Variants in CADM2 observed in about 807,000 individuals in gnomAD.
CADM2 encodes cell adhesion molecule 2, also known as immunoglobulin superfamily member 4D.
CADM2 carries 12 observed loss-of-function variants against 49.8 expected under a neutral mutation model. That is an observed-to-expected ratio of 0.24 (90% confidence interval 0.15 to 0.39). CADM2 has a LOEUF of 0.39. Ranked by LOEUF, CADM2 falls within the 10% of genes least tolerant of loss-of-function variation. The probability of loss-of-function intolerance (pLI) is 1.00; values close to 1 mark genes in which losing one functional copy is unlikely to be tolerated. For missense variants in CADM2, 378 were observed against 492.3 expected, an observed-to-expected ratio of 0.77 and a Z score of 2.20; for synonymous variants, 214 against 175.4, an observed-to-expected ratio of 1.22 and a Z score of -1.74.
intron 1 of CADM2, among the ~76,000 whole-genome samples, chr3:85,296,598 C>A (rs773066785): frequency 6.6e-6 from 1 of 151,954 alleles, no homozygotes; most frequent in Non-Finnish European, 1.5e-5. Flanking sequence ...TAAATGATAC[C>A]TTAGAGTCTC....
At chr3:85,440,833 T>G (rs985587479) in intron 1 of CADM2, among the ~76,000 whole-genome samples, 1 of 151,992 alleles carries the variant, frequency 6.6e-6, no homozygotes, top group African/African-American at 2.4e-5. Flanking sequence ...AACACAAAAA[T>G]TAGCCGGGCA....
At position 85,842,253 on chromosome 3, in the gene CADM2, T is replaced by C. The variant is rs569608762; in HGVS notation, c.238+40057T>C. Among the ~76,000 whole-genome samples, 6 of 152,124 alleles carry C rather than the reference T, an allele frequency of 3.9e-5. No individual in the cohort carries two copies. In the South Asian group the frequency reaches 1.0e-3, roughly 26 times the overall value. ...CTAATGACCTATCCCCACAAGAGGA[T>C]TGAATAGAGTAGATCCACTGTGGCT... On this transcript the variant is annotated intron_variant, in intron 3 of 9. Transcript: ENST00000383699.
At chr3:85,887,755 C>A (rs915458720) in intron 5 of CADM2, among the ~76,000 whole-genome samples, 1 of 152,082 alleles carries the variant, frequency 6.6e-6, no homozygotes, top group Non-Finnish European at 1.5e-5. Context: ...TCAGTAACAT[C>A]CATTCTAATT....
intron 1 of CADM2, among the ~76,000 whole-genome samples, chr3:85,313,152 T>G (rs1383357239): frequency 1.3e-5 from 2 of 152,196 alleles, no homozygotes; most frequent in Non-Finnish European, 2.9e-5. Context: ...GAGGAGAACC[T>G]TGCTTTCTCT....
intron 1 of CADM2, among the ~76,000 whole-genome samples, chr3:85,613,660 A>G (rs181953340): frequency 6.6e-6 from 1 of 151,620 alleles, no homozygotes; most frequent in African/African-American, 2.4e-5. Flanking sequence ...TTATTTTTAT[A>G]CCTTGTTTTG....
intron 1 of CADM2, among the ~76,000 whole-genome samples, chr3:85,427,160 C>CTA (rs35485915): frequency 0.055 from 6,144 of 112,062 alleles, 321 homozygotes; most frequent in African/African-American, 0.13. Context: ...TGTATTGGAA[C>CTA]TATATATATA....
chr3:85,593,726 A>G, intron 1 of CADM2, among the ~76,000 whole-genome samples: 1 of 152,038 alleles, frequency 6.6e-6, no homozygotes, highest in East Asian at 1.9e-4. Flanking sequence ...TCATGTTCCA[A>G]CATGATAAGG....
intron 1 of CADM2, among the ~76,000 whole-genome samples, chr3:85,307,016 G>T (rs1224773511): frequency 6.6e-6 from 1 of 151,382 alleles, no homozygotes; most frequent in Non-Finnish European, 1.5e-5. Flanking sequence ...ACCTGTTCTT[G>T]AACTTCTTAT....
chr3:85,419,030 C>A (rs75713936), intron 1 of CADM2, among the ~76,000 whole-genome samples: 2,161 of 152,284 alleles, frequency 0.014, 30 homozygotes, highest in South Asian at 0.033. Context: ...TAAGTACACT[C>A]AGCAATTTTG....
intron 2 of CADM2, among the ~76,000 whole-genome samples, chr3:85,776,962 C>T (rs1342885731): frequency 6.6e-6 from 1 of 152,004 alleles, no homozygotes; most frequent in African/African-American, 2.4e-5. Flanking sequence ...GTCTTTGAAT[C>T]ACAATTTAAT....
intron 3 of CADM2, among the ~76,000 whole-genome samples, chr3:85,860,168 G>T (rs916673225): frequency 2.6e-5 from 4 of 151,936 alleles, no homozygotes; most frequent in African/African-American, 9.7e-5. Flanking sequence ...CATATTCATG[G>T]ATACTATTTA....
chr3:85,522,920 A>T (rs1316453709), intron 1 of CADM2, among the ~76,000 whole-genome samples: 1 of 151,918 alleles, frequency 6.6e-6, no homozygotes, highest in Non-Finnish European at 1.5e-5. Context: ...GAAATGAAAG[A>T]AACACAATGT....
intron 1 of CADM2, among the ~76,000 whole-genome samples, chr3:85,428,856 G>A (rs576570034): frequency 4.1e-4 from 62 of 151,260 alleles, no homozygotes; most frequent in Non-Finnish European, 2.5e-4. Context: ...GGTTACTTAG[G>A]TTATTGATAG....
At chr3:84,995,136 C>T (rs1053559788) in intron 1 of CADM2, among the ~76,000 whole-genome samples, 1 of 152,096 alleles carries the variant, frequency 6.6e-6, no homozygotes, top group African/African-American at 2.4e-5. Flanking sequence ...GCAAATAACT[C>T]CCAAAAACTA....
intron 1 of CADM2, among the ~76,000 whole-genome samples, chr3:85,354,790 G>C (rs988245984): frequency 6.6e-6 from 1 of 152,026 alleles, no homozygotes. Context: ...GGGAAGCCTG[G>C]GCTCTGGCAG....
intron 8 of CADM2, among the ~76,000 whole-genome samples, chr3:86,064,494 C>G (rs932040358): frequency 6.6e-6 from 1 of 152,008 alleles, no homozygotes; most frequent in Non-Finnish European, 1.5e-5. Flanking sequence ...TTTGCTATTG[C>G]GAGTAGTGCC....
intron 1 of CADM2, among the ~76,000 whole-genome samples, chr3:85,636,548 T>C (rs2064494004): frequency 6.6e-6 from 1 of 150,640 alleles, no homozygotes; most frequent in Admixed American, 6.7e-5. Context: ...AAAATTAGTG[T>C]AGCCTCAATG....
chr3:85,873,015 A>G (rs1180135576), intron 3 of CADM2, among the ~76,000 whole-genome samples: 1 of 152,194 alleles, frequency 6.6e-6, no homozygotes, highest in East Asian at 1.9e-4. Flanking sequence ...TGGAGGCTGA[A>G]GTGTAAGAAC....
intron 1 of CADM2, among the ~76,000 whole-genome samples, chr3:85,445,959 G>C (rs1433342091): frequency 6.6e-6 from 1 of 152,086 alleles, no homozygotes; most frequent in Non-Finnish European, 1.5e-5. Context: ...CTTCAGACCA[G>C]AGATGAAGCT....
Sources: allele counts gnomAD v4.1 joint callset (sites outside exome capture counted in the v4.1 genomes callset), GRCh38; gene constraint gnomAD v4.1.1; transcripts MANE v1.5; gene names NCBI Gene and HGNC (gene_info 2026-07-23, HGNC 2026-07-21).